The following ST18 variants were observed in gnomAD, a reference collection of about 807,000 sequenced individuals.
ST18 encodes the protein suppression of tumorigenicity 18 protein.
Under a neutral mutation model 110.0 loss-of-function variants are expected in ST18, and 50 were observed. The observed-to-expected ratio is 0.45, with a 90% CI of 0.36 to 0.58. ST18 has a LOEUF of 0.58. ST18 is among the 20% of genes least tolerant of loss of function. The probability of loss-of-function intolerance (pLI) is 0.00; values close to 1 mark genes in which losing one functional copy is unlikely to be tolerated. For synonymous variants in ST18, 461 were observed against 452.4 expected (o/e 1.02, Z -0.24); for missense variants, 1,306 against 1,280.1 (o/e 1.02, Z -0.31).
intron 24 of ST18, among the ~76,000 whole-genome samples, chr8:52,117,640 A>G (rs913500709): frequency 1.3e-5 from 2 of 152,194 alleles, no homozygotes; most frequent in East Asian, 1.9e-4. Flanking sequence ...CCTTTGTCTT[A>G]AGCTGTTGTG....
intron 2 of ST18, chr8:52,393,643 G>A (rs1286219841): frequency 6.6e-6 from 1 of 152,056 alleles, no homozygotes; most frequent in African/African-American, 2.4e-5. Flanking sequence ...AGCACTTTGA[G>A]AGGCTGAGGC....
At chr8:52,135,274 G>T (rs1207259617) in intron 19 of ST18, among the ~76,000 whole-genome samples, 1 of 152,044 alleles carries the variant, frequency 6.6e-6, no homozygotes, top group Non-Finnish European at 1.5e-5. Flanking sequence ...CACTGAAAAT[G>T]AGAAAAGTGG....
intron 2 of ST18, among the ~76,000 whole-genome samples, chr8:52,345,702 G>A (rs1817417148): frequency 6.6e-6 from 1 of 152,166 alleles, no homozygotes; most frequent in Admixed American, 6.5e-5. Flanking sequence ...TTAAGTGTCT[G>A]GGAAGCTCCA....
intron 2 of ST18, among the ~76,000 whole-genome samples, chr8:52,256,524 C>T (rs1021623670): frequency 1.3e-5 from 2 of 152,020 alleles, no homozygotes; most frequent in East Asian, 1.9e-4. Flanking sequence ...CAGTGCGCTC[C>T]GTCATCTAAT....
chr8:52,369,749 A>G (rs1160499886), intron 2 of ST18, among the ~76,000 whole-genome samples: 4 of 152,258 alleles, frequency 2.6e-5, no homozygotes, highest in Non-Finnish European at 5.9e-5. Flanking sequence ...CAGTCATACA[A>G]CATGAATTGA....
intron 2 of ST18, among the ~76,000 whole-genome samples, chr8:52,327,315 T>C (rs760136239): frequency 2.0e-5 from 3 of 152,206 alleles, no homozygotes; most frequent in Non-Finnish European, 4.4e-5. Flanking sequence ...TCTTATTTAT[T>C]GGATGGATTC....
chr8:52,146,533 G>A (rs1429447160), intron 16 of ST18, among the ~76,000 whole-genome samples: 2 of 151,530 alleles, frequency 1.3e-5, no homozygotes, highest in Admixed American at 6.6e-5. Flanking sequence ...ATGACCAGGA[G>A]CAACAACTTT....
chr8:52,137,563 G>T, intron 17 of ST18, 80 bp from the exon 18 acceptor site: 1 of 1,438,220 alleles, frequency 7.0e-7, no homozygotes, highest in Non-Finnish European at 9.7e-7. Flanking sequence ...TTACGGAGGA[G>T]GTAGCTTCTC....
At chr8:52,240,035 C>T (rs149089695) in intron 2 of ST18, among the ~76,000 whole-genome samples, 1,598 of 152,244 alleles carry the variant, frequency 0.01, 20 homozygotes, top group African/African-American at 0.037. Flanking sequence ...CTCAAGAGAT[C>T]CACCCACCTC....
intron 2 of ST18, among the ~76,000 whole-genome samples, chr8:52,341,454 C>T (rs989088375): frequency 5.3e-5 from 8 of 152,140 alleles, no homozygotes; most frequent in African/African-American, 9.7e-5. Context: ...TAAAGAAGTC[C>T]GCATCCTAAT....
At chr8:52,378,506 C>T (rs193021626) in intron 2 of ST18, among the ~76,000 whole-genome samples, 13 of 152,248 alleles carry the variant, frequency 8.5e-5, no homozygotes, top group African/African-American at 3.1e-4. Context: ...CTGAAAATAA[C>T]GTGTTTTAAT....
chr8:52,344,041 T>C (rs529797963), intron 2 of ST18, among the ~76,000 whole-genome samples: 3 of 152,332 alleles, frequency 2.0e-5, no homozygotes, highest in African/African-American at 7.2e-5. Context: ...ATAATAGCTG[T>C]AATTATAATA....
intron 2 of ST18, among the ~76,000 whole-genome samples, chr8:52,342,608 G>A (rs955669608): frequency 2.0e-5 from 3 of 152,118 alleles, no homozygotes; most frequent in South Asian, 2.1e-4. Context: ...AAATTTCAGC[G>A]TGCACACAAA....
chr8:52,198,990 C>T (rs2077072939), intron 8 of ST18, among the ~76,000 whole-genome samples: 1 of 152,210 alleles, frequency 6.6e-6, no homozygotes, highest in Non-Finnish European at 1.5e-5. Context: ...AGCCCCAACA[C>T]TGCTTCTGCC....
intron 23 of ST18, among the ~76,000 whole-genome samples, chr8:52,122,217 T>C (rs1586273427): frequency 6.6e-6 from 1 of 152,304 alleles, no homozygotes; most frequent in East Asian, 1.9e-4. Context: ...AGCAATAGAT[T>C]ATGCTTTCTT....
In ST18 at chr8:52,219,422, C is replaced by G. The variant is rs540648874; in HGVS notation, c.-157+1319G>C. On this transcript the variant is annotated intron_variant, in intron 5 of 25. Transcript: ENST00000689386. Reference sequence around the variant, plus strand: ...CTCTAACAAAACCATGTCTTTTTTACACCATCTGTGACAACATATTTATAA... The same window carrying G: ...CTCTAACAAAACCATGTCTTTTTTAGACCATCTGTGACAACATATTTATAA... 2.0e-5 allele frequency among the ~76,000 whole-genome samples: 3 copies of G among 152,302 alleles called. No homozygotes were observed. The East Asian group carries it at 5.8e-4, about 29-fold the overall frequency.
At chr8:52,365,163 G>A (rs1827349411) in intron 2 of ST18, among the ~76,000 whole-genome samples, 1 of 151,784 alleles carries the variant, frequency 6.6e-6, no homozygotes, top group African/African-American at 2.4e-5. Context: ...TCACATACAT[G>A]CACAAAAACA....
intron 2 of ST18, among the ~76,000 whole-genome samples, chr8:52,400,902 A>G (rs1170401917): frequency 6.6e-6 from 1 of 152,154 alleles, no homozygotes; most frequent in Non-Finnish European, 1.5e-5. Flanking sequence ...CAATAAATGT[A>G]CCTCTACTGG....
At chr8:52,250,445 C>CAAAA (rs1159770176) in intron 2 of ST18, among the ~76,000 whole-genome samples, 45 of 4,282 alleles carry the variant, frequency 0.011, no homozygotes, top group East Asian at 0.023. Flanking sequence ...GCCTCAAAGG[C>CAAAA]AAAAAAAAAA....
Sources: allele counts gnomAD v4.1 joint callset (sites outside exome capture counted in the v4.1 genomes callset), GRCh38; gene constraint gnomAD v4.1.1; transcripts MANE v1.5; gene names NCBI Gene and HGNC (gene_info 2026-07-23, HGNC 2026-07-21).